The following CENPP variants were observed in gnomAD, a reference collection of about 807,000 sequenced individuals.
The protein encoded by CENPP is centromere protein P.
A neutral mutation model predicts 35.6 loss-of-function variants in CENPP; 24 were observed. The ratio of observed to expected loss-of-function variants is 0.67; its 90% CI spans 0.49 to 0.95. The LOEUF is 0.95. Among genes scored for constraint, CENPP ranks in the 40% least tolerant of loss-of-function variants. CENPP has a pLI of 0.00. For missense variants in CENPP, 332 were observed against 345.3 expected (o/e 0.96, Z 0.31); for synonymous variants, 120 against 125.5 (o/e 0.96, Z 0.29).
chr9:92,375,176 A>G (rs1031026889), intron 4 of CENPP, among the ~76,000 whole-genome samples: 2 of 151,494 alleles, frequency 1.3e-5, no homozygotes, highest in Non-Finnish European at 2.9e-5. Context: ...CATTATGTAT[A>G]TGTTAGTACT....
At chr9:92,325,903 C>G, upstream of CENPP, 1 of 1,068,208 alleles carries the variant, frequency 9.4e-7, no homozygotes, top group Non-Finnish European at 1.4e-6. Context: ...TGGGATGGTC[C>G]GCGCCGGGAG....
intron 5 of CENPP, among the ~76,000 whole-genome samples, chr9:92,472,169 A>G (rs916970539): frequency 1.3e-5 from 2 of 151,600 alleles, no homozygotes; most frequent in African/African-American, 4.9e-5. Context: ...CCTGGCCAAC[A>G]TGGTGAAAGA....
In CENPP at chr9:92,616,148, A is replaced by G; in HGVS notation, c.*2999A>G. The G allele has an allele frequency of 1.2e-6, 1 of 828,190 alleles. No homozygotes were observed. 51.3% of individuals were successfully genotyped at this position (828,190 alleles called of 1,614,324 possible). A position where few individuals can be genotyped will look rare whatever the true frequency, so the allele number is the denominator to read the frequency against. ...CTCTCCCTTTCTTCTTTCAACTAGT[A>G]TGTTTTTATGTTTTTTCTTTGACTT... On this transcript the variant is annotated 3_prime_UTR_variant, in exon 8 of 8. Transcript: ENST00000375587.
chr9:92,528,968 A>G (rs1306025990), intron 5 of CENPP, among the ~76,000 whole-genome samples: 2 of 152,230 alleles, frequency 1.3e-5, no homozygotes, highest in African/African-American at 2.4e-5. Flanking sequence ...CCTATATTCT[A>G]TATGTTCAAG....
intron 5 of CENPP, among the ~76,000 whole-genome samples, chr9:92,425,645 T>C (rs1843946503): frequency 6.6e-6 from 1 of 152,240 alleles, no homozygotes; most frequent in African/African-American, 2.4e-5. Flanking sequence ...TACAAAGAAC[T>C]CACAAGATTT....
At chr9:92,424,066 T>A (rs1843894908) in intron 5 of CENPP, 2 of 152,224 alleles carry the variant, frequency 1.3e-5, no homozygotes, top group African/African-American at 4.8e-5. Context: ...ATAACTTTTT[T>A]ACCAGATTTT....
chr9:92,343,793 T>C (rs751771481), intron 3 of CENPP, among the ~76,000 whole-genome samples: 10 of 151,674 alleles, frequency 6.6e-5, no homozygotes, highest in Non-Finnish European at 1.0e-4. Context: ...AAAATATATA[T>C]TTTTTTAAAT....
intron 5 of CENPP, chr9:92,535,843 T>G: frequency 2.8e-6 from 1 of 353,966 alleles, no homozygotes; most frequent in East Asian, 7.5e-5. Context: ...GCTAATTTAC[T>G]CAAGAGTTAA....
intron 5 of CENPP, among the ~76,000 whole-genome samples, chr9:92,382,581 C>T (rs1021636162): frequency 2.6e-5 from 4 of 151,862 alleles, no homozygotes; most frequent in African/African-American, 7.3e-5. Flanking sequence ...CAAGTAATTC[C>T]GTGCCAAATT....
intron 5 of CENPP, chr9:92,457,337 C>T (rs767729849): frequency 6.2e-6 from 10 of 1,613,892 alleles, no homozygotes; most frequent in Admixed American, 1.7e-5. Flanking sequence ...CAAAACACAA[C>T]GAAATGTTGC....
intron 5 of CENPP, among the ~76,000 whole-genome samples, chr9:92,416,098 A>AT (rs1354339127): frequency 0.028 from 3,764 of 133,266 alleles, 89 homozygotes; most frequent in South Asian, 0.078. Context: ...TTATTTATTT[A>AT]TTTTATTTTT....
rs79520571 is a variant in CENPP, at chr9:92,330,366, C to A, written c.108-1804C>A. On this transcript the variant is annotated intron_variant, in intron 1 of 7. Transcript: ENST00000375587. ...AGAGGTATATTTTAAGAGTTACTGG[C>A]ATAGAGGAGCTAAGGCTAATCATTT... 4.9e-3 allele frequency among the ~76,000 whole-genome samples: 740 copies of A among 152,228 alleles called. 5 individuals carry two copies. The highest frequency in any genetic ancestry group is 0.016 in the African/African-American group (645 of 41,524).
At chr9:92,577,420 T>A (rs891499450) in intron 5 of CENPP, among the ~76,000 whole-genome samples, 1 of 152,194 alleles carries the variant, frequency 6.6e-6, no homozygotes, top group African/African-American at 2.4e-5. Context: ...GAGGCTGTGA[T>A]GTATTCTTAT....
intron 5 of CENPP, among the ~76,000 whole-genome samples, chr9:92,460,204 T>C (rs2131042992): frequency 6.6e-6 from 1 of 152,054 alleles, no homozygotes; most frequent in African/African-American, 2.4e-5. Context: ...CTGGCTAATT[T>C]TCGTATTTTT....
intron 1 of CENPP, among the ~76,000 whole-genome samples, chr9:92,328,384 A>G (rs1292549994): frequency 6.6e-6 from 1 of 152,184 alleles, no homozygotes; most frequent in African/African-American, 2.4e-5. Context: ...AGCTATATCC[A>G]TATGTCCACA....
intron 4 of CENPP, among the ~76,000 whole-genome samples, chr9:92,348,025 G>A (rs561359996): frequency 1.3e-5 from 2 of 152,114 alleles, no homozygotes; most frequent in South Asian, 4.2e-4. Flanking sequence ...CCAAGTTCAG[G>A]CAATTCTCCT....
chr9:92,579,979 A>G (rs1432836279), intron 5 of CENPP, among the ~76,000 whole-genome samples: 4 of 148,830 alleles, frequency 2.7e-5, no homozygotes, highest in Admixed American at 2.0e-4. Context: ...ACGTCCCATC[A>G]ATACCTAATT....
intron 4 of CENPP, among the ~76,000 whole-genome samples, chr9:92,378,406 G>A (rs991088194): frequency 6.6e-6 from 1 of 152,088 alleles, no homozygotes; most frequent in African/African-American, 2.4e-5. Context: ...GGTAATTCTG[G>A]GTTGCAGTTT....
At chr9:92,552,190 T>C (rs376911700) in intron 5 of CENPP, among the ~76,000 whole-genome samples, 1,798 of 105,216 alleles carry the variant, frequency 0.017, 80 homozygotes, top group African/African-American at 0.032. Flanking sequence ...ATCTATCATA[T>C]ACACACACAC....
Sources: allele counts gnomAD v4.1 joint callset (sites outside exome capture counted in the v4.1 genomes callset), GRCh38; gene constraint gnomAD v4.1.1; transcripts MANE v1.5; gene names NCBI Gene and HGNC (gene_info 2026-07-23, HGNC 2026-07-21).